The following RFTN1 variants were observed in gnomAD, a reference collection of about 807,000 sequenced individuals.
The protein encoded by RFTN1 is raftlin, lipid raft linker 1, also known as raftlin.
RFTN1 carries 26 observed loss-of-function variants against 46.5 expected under a neutral mutation model. The ratio of observed to expected loss-of-function variants is 0.56; its 90% CI spans 0.41 to 0.78. The LOEUF (loss-of-function observed/expected upper bound fraction) is 0.78. Among genes scored for constraint, RFTN1 ranks in the 30% least tolerant of loss-of-function variants. The pLI is 0.00. For synonymous variants in RFTN1, 261 were observed against 284.2 expected, an observed-to-expected ratio of 0.92 and a Z score of 0.82; for missense variants, 693 against 718.7, an observed-to-expected ratio of 0.96 and a Z score of 0.41.
intron 2 of RFTN1, among the ~76,000 whole-genome samples, chr3:16,436,754 A>G (rs1011524297): frequency 3.3e-5 from 5 of 152,220 alleles, no homozygotes; most frequent in African/African-American, 1.2e-4. Context: ...ATTCCCAAAT[A>G]TGAGTTTATG....
At chr3:16,390,965 T>A (rs1225991392) in intron 4 of RFTN1, among the ~76,000 whole-genome samples, 1 of 152,218 alleles carries the variant, frequency 6.6e-6, no homozygotes, top group African/African-American at 2.4e-5. Flanking sequence ...CTACTCCCTG[T>A]ACCCCCCATG....
rs140309053 is a variant in RFTN1, at chr3:16,376,689, G to A, written c.826+1029C>T. ...GGCTCAATGCCTTGATTAAACAATA[G>A]TCTTACTACATCACAAAACTGACGC... On this transcript the variant is annotated intron_variant, in intron 5 of 9. Coordinates refer to ENST00000334133, the MANE Select transcript of RFTN1 (RefSeq NM_015150.2). This position sits in a 1 kb window ranked among gnomAD's most constrained non-coding sequence, Gnocchi z 4.7. Among the ~76,000 whole-genome samples, 42 of 152,312 alleles carry A rather than the reference G, an allele frequency of 2.8e-4. 1 individual carries two copies. In the East Asian group the frequency reaches 7.5e-3, roughly 27 times the overall value.
intron 2 of RFTN1, among the ~76,000 whole-genome samples, chr3:16,436,505 G>T (rs1201049725): frequency 2.0e-5 from 3 of 152,002 alleles, no homozygotes; most frequent in Admixed American, 6.6e-5. Flanking sequence ...TACCAATCTT[G>T]CTTTCAATGG....
chr3:16,502,395 A>G (rs1276414580), intron 1 of RFTN1, among the ~76,000 whole-genome samples: 1 of 151,942 alleles, frequency 6.6e-6, no homozygotes, highest in Non-Finnish European at 1.5e-5. Context: ...AAAAAAAAAA[A>G]AAAAGAAAGA....
rs115607078 is a variant in RFTN1 at position 16,507,724 on chromosome 3, C to T, written c.-9+5718G>A. 0.042 allele frequency among the ~76,000 whole-genome samples: 6,411 copies of T among 151,496 alleles called. 435 individuals are homozygous for T. The highest frequency in any genetic ancestry group is 0.15 in the African/African-American group (6,006 of 41,212). ...ACATACATACACATACACACATACA[C>T]ACAAACACATACACACATACATGCA... On this transcript the variant is annotated intron_variant, in intron 1 of 9. Coordinates refer to ENST00000334133, the MANE Select transcript of RFTN1 (RefSeq NM_015150.2). This position sits in a 1 kb window ranked among gnomAD's most constrained non-coding sequence, Gnocchi z 7.1.
chr3:16,424,893 C>T lies in RFTN1; in HGVS notation c.332+8958G>A, dbSNP rs928230123. Among the ~76,000 whole-genome samples the T allele has an allele frequency of 6.6e-6, 1 of 152,056 alleles. No homozygotes were observed. The highest frequency in any genetic ancestry group is 6.6e-5 in the Admixed American group (1 of 15,266). ...ACTCAATGACTAGTCTCATCCAGGA[C>T]CCATCACTGGTAATGCCCATTATAT... is the stretch of plus-strand genomic sequence containing the variant. On this transcript the variant is annotated intron_variant, in intron 3 of 9. Coordinates refer to ENST00000334133, the MANE Select transcript of RFTN1 (RefSeq NM_015150.2). The surrounding 1 kb of genome is among the most constrained non-coding windows in gnomAD (Gnocchi z 4.7).
At position 16,418,574 on chromosome 3, in the gene RFTN1, G is replaced by T. The variant is rs1032301251; in HGVS notation, c.333-9091C>A. ...CCAGGAAAAAAAATACTAAACGTCA[G>T]TTGACAAAAACAAATTCTCTATCTC... On this transcript the variant is annotated intron_variant, in intron 3 of 9. Coordinates refer to ENST00000334133, the MANE Select transcript of RFTN1 (RefSeq NM_015150.2). The surrounding 1 kb of genome is among the most constrained non-coding windows in gnomAD (Gnocchi z 5.0). 6.6e-6 allele frequency among the ~76,000 whole-genome samples: 1 copy of T among 152,196 alleles called. No individual in the cohort carries two copies. Among genetic ancestry groups the T allele is most frequent in the East Asian group, 1.9e-4 (1 of 5,186 alleles).
At chr3:16,472,058 A>G (rs1229199449) in intron 2 of RFTN1, 1 of 150,532 alleles carries the variant, frequency 6.6e-6, no homozygotes, top group Non-Finnish European at 1.5e-5. Flanking sequence ...TGCATTCACC[A>G]TTTTTCTTTT....
chr3:16,478,253 C>A (rs1255582756), intron 2 of RFTN1, among the ~76,000 whole-genome samples: 1 of 152,182 alleles, frequency 6.6e-6, no homozygotes, highest in East Asian at 1.9e-4. Context: ...AGACTGTGGG[C>A]TGTGTCAATT....
intron 1 of RFTN1, among the ~76,000 whole-genome samples, chr3:16,497,547 C>T (rs527718479): frequency 3.3e-5 from 5 of 152,198 alleles, no homozygotes; most frequent in African/African-American, 9.7e-5. Context: ...GAATGAGGAG[C>T]GGATAGGCTG....
At chr3:16,482,918 G>A (rs1011074004) in intron 2 of RFTN1, 18 of 1,263,416 alleles carry the variant, frequency 1.4e-5, no homozygotes, top group African/African-American at 3.0e-5. Flanking sequence ...AGAAAGTCCC[G>A]CCCCACCCAA....
At chr3:16,437,218 G>C (rs896239496) in intron 2 of RFTN1, among the ~76,000 whole-genome samples, 1 of 152,134 alleles carries the variant, frequency 6.6e-6, no homozygotes, top group Non-Finnish European at 1.5e-5. Flanking sequence ...TTCACTGCAT[G>C]CAAGGGTGTT....
At chr3:16,404,159 T>TTTATATATATA (rs1559328382) in intron 4 of RFTN1, among the ~76,000 whole-genome samples, 6 of 72 alleles carry the variant, frequency 0.083, 2 homozygotes, top group Non-Finnish European at 0.097. Flanking sequence ...TTATATATAT[T>TTTATATATATA]ATATATAATA....
chr3:16,382,929 G>A lies in RFTN1; in HGVS notation c.442-4827C>T, dbSNP rs1263448606. On this transcript the variant is annotated intron_variant, in intron 4 of 9. Transcript: ENST00000334133. This position sits in a 1 kb window ranked among gnomAD's most constrained non-coding sequence, Gnocchi z 4.7. ...GGTCATGAGGAGCCAGGTCACCTCA[G>A]CCATGGAGCTCCCCACAGACTCCCA... is the stretch of plus-strand genomic sequence containing the variant. Among the ~76,000 whole-genome samples the A allele has an allele frequency of 6.6e-6, 1 of 152,138 alleles. No individual in the cohort carries two copies. Among genetic ancestry groups the A allele is most frequent in the African/African-American group, 2.4e-5 (1 of 41,418 alleles).
At position 16,320,153 on chromosome 3, in the gene RFTN1, CATG is replaced by C. The variant is rs554459661; in HGVS notation, c.1333-2924_1333-2922del. 4.2e-3 allele frequency among the ~76,000 whole-genome samples: 645 copies of C among 152,326 alleles called. 5 individuals are homozygous for C. Among genetic ancestry groups the C allele is most frequent in the African/African-American group, 0.015 (605 of 41,572 alleles). ...TAATTTGCACATTTTAAAAACTGCC[CATG>C]ATGTGTCCACTTCAAGTAGTTTAGC... On this transcript the variant is annotated intron_variant, in intron 9 of 9. Transcript: ENST00000334133. This position sits in a 1 kb window ranked among gnomAD's most constrained non-coding sequence, Gnocchi z 4.5.
At chr3:16,453,392 T>C (rs771326420) in intron 2 of RFTN1, among the ~76,000 whole-genome samples, 1 of 152,210 alleles carries the variant, frequency 6.6e-6, no homozygotes, top group Non-Finnish European at 1.5e-5. Flanking sequence ...TTTTCTACTA[T>C]ACCACAGTAG....
chr3:16,463,311 A>T (rs1277017875), intron 2 of RFTN1, among the ~76,000 whole-genome samples: 1 of 151,976 alleles, frequency 6.6e-6, no homozygotes, highest in South Asian at 2.1e-4. Flanking sequence ...AGTTATACAT[A>T]TCTTAGACTT....
chr3:16,411,958 G>A (rs977904812), intron 3 of RFTN1, among the ~76,000 whole-genome samples: 1 of 152,182 alleles, frequency 6.6e-6, no homozygotes, highest in Non-Finnish European at 1.5e-5. Flanking sequence ...AGCCCAGATC[G>A]ATTCTAGGGA....
intron 2 of RFTN1, among the ~76,000 whole-genome samples, chr3:16,476,441 A>G (rs1047039725): frequency 4.6e-5 from 7 of 152,206 alleles, no homozygotes; most frequent in Admixed American, 3.3e-4. Flanking sequence ...CCACATAAAC[A>G]ATAATATGAT....
Sources: gnomAD v4.1 joint callset for allele counts (sites outside exome capture counted in the v4.1 genomes callset) on GRCh38, gnomAD v4.1.1 for gene constraint, Gnocchi (gnomAD v3.1) non-coding constraint, MANE v1.5 for transcripts, NCBI Gene and HGNC (gene_info 2026-07-23, HGNC 2026-07-21) for gene names.